NEDD9: variants seen among roughly 807,000 people sequenced by gnomAD.
NEDD9 encodes enhancer of filamentation 1.
NEDD9 carries 26 observed loss-of-function variants against 76.6 expected under a neutral mutation model. The observed-to-expected ratio is 0.34, with a 90% confidence interval of 0.25 to 0.47. The LOEUF is 0.47. Among genes scored for constraint, NEDD9 ranks in the 20% least tolerant of loss-of-function variants. The pLI is 1.00. For missense variants in NEDD9, 937 were observed against 1,058.5 expected (o/e 0.89, Z 1.59); for synonymous variants, 392 against 414.2 (o/e 0.95, Z 0.65).
chr6:11,367,870 C>T (rs1242648868), intron 1 of NEDD9, among the ~76,000 whole-genome samples: 2 of 152,200 alleles, frequency 1.3e-5, no homozygotes, highest in Non-Finnish European at 2.9e-5. Flanking sequence ...CACAGCACCC[C>T]TTGCAAATAA....
At chr6:11,271,090 G>A (rs1239457534) in intron 3 of NEDD9, among the ~76,000 whole-genome samples, 1 of 152,174 alleles carries the variant, frequency 6.6e-6, no homozygotes, top group African/African-American at 2.4e-5. Flanking sequence ...CTGGAATACA[G>A]TGGTGCTATC....
rs1757956126 is a variant in NEDD9, at chr6:11,185,568, A to G, written c.2099T>C (p.Val700Ala). ...CAGCAACTGCCGATCCTGAGCACTC[A>G]CGCCACTGTTTGTGGTGGGTAGGCT... ...SQSLPTTNSG[V>A]SAQDRQLLCF... The change falls in exon 7 of 7, where the codon GTG (valine) becomes GCG (alanine). Residue 700 changes from valine to alanine, a missense_variant. By Grantham distance (64) the Val-to-Ala change is moderately conservative. Coordinates refer to ENST00000379446, the MANE Select transcript of NEDD9 (RefSeq NM_006403.4). The G allele has an allele frequency of 6.2e-7, 1 of 1,614,200 alleles. No individual in the cohort carries two copies. The highest frequency in any genetic ancestry group is 8.5e-7 in the Non-Finnish European group (1 of 1,180,022).
rs762734867 is a variant in NEDD9, at chr6:11,185,253, G to A, written c.2414C>T (p.Thr805Met). ...TTGGTGCACCATTTCCTGCAGGGCC[G>A]TGGTGCTGGGGTAATGGAGGGCGGC... ...KMAALHYPST[T>M]ALQEMVHQVT... Residue 805 changes from threonine to methionine, a missense_variant, in exon 7 of 7, where the codon ACG becomes ATG. Transcript: ENST00000379446. 19 of 1,614,122 alleles carry A rather than the reference G, an allele frequency of 1.2e-5. No individual in the cohort carries two copies. Among genetic ancestry groups the A allele is most frequent in the Admixed American group, 1.7e-5 (1 of 60,016 alleles).
chr6:11,209,968 G>GTTTTTTTTTTTTTTT (rs1554125203), intron 2 of NEDD9, among the ~76,000 whole-genome samples: 1 of 65,406 alleles, frequency 1.5e-5, no homozygotes. Flanking sequence ...AGAATTCACT[G>GTTTTTTTTTTTTTTT]TCTTTTTTTT....
At chr6:11,307,480 G>A (rs767657098) in intron 2 of NEDD9, among the ~76,000 whole-genome samples, 3 of 152,100 alleles carry the variant, frequency 2.0e-5, no homozygotes, top group Admixed American at 6.5e-5. Flanking sequence ...ACAAAAGGGA[G>A]ATTTACTGCG....
intron 2 of NEDD9, among the ~76,000 whole-genome samples, chr6:11,205,086 C>T (rs1006550615): frequency 6.6e-6 from 1 of 152,212 alleles, no homozygotes; most frequent in African/African-American, 2.4e-5. Context: ...TATCATCCTT[C>T]AGCCGGGATG....
chr6:11,346,087 T>C (rs1375326575), intron 1 of NEDD9, among the ~76,000 whole-genome samples: 2 of 152,368 alleles, frequency 1.3e-5, no homozygotes, highest in African/African-American at 4.8e-5. Flanking sequence ...AGCGTGTTTA[T>C]TTATTTATTT....
At chr6:11,367,290 A>G (rs762495438) in intron 1 of NEDD9, among the ~76,000 whole-genome samples, 11 of 152,262 alleles carry the variant, frequency 7.2e-5, no homozygotes, top group Non-Finnish European at 1.6e-4. Context: ...GGAAGACAAA[A>G]GCTTACCGAT....
At chr6:11,225,266 A>G (rs1759276821) in intron 1 of NEDD9, among the ~76,000 whole-genome samples, 1 of 152,220 alleles carries the variant, frequency 6.6e-6, no homozygotes, top group Non-Finnish European at 1.5e-5. Context: ...TGTGAGGGAC[A>G]TTTTTAGTAA....
chr6:11,257,124 C>T (rs1760017850), intron 3 of NEDD9, among the ~76,000 whole-genome samples: 2 of 152,340 alleles, frequency 1.3e-5, no homozygotes, highest in Middle Eastern at 3.4e-3. Context: ...CATCGATCAC[C>T]TGCATCAGAT....
intron 3 of NEDD9, chr6:11,305,723 T>C: frequency 2.0e-6 from 1 of 490,580 alleles, no homozygotes; most frequent in South Asian, 2.5e-5. Context: ...TTATGTTAAG[T>C]GGAATAATCT....
chr6:11,248,833 A>G (rs907343339), intron 3 of NEDD9: 38 of 291,796 alleles, frequency 1.3e-4, no homozygotes, highest in Non-Finnish European at 2.5e-4. Flanking sequence ...CTACCTGCAC[A>G]CGGCTCTCCC....
chr6:11,196,285 C>T (rs759693992), intron 2 of NEDD9, among the ~76,000 whole-genome samples: 20 of 152,234 alleles, frequency 1.3e-4, no homozygotes, highest in Non-Finnish European at 2.1e-4. Context: ...GCCTGGGTGA[C>T]AGAGAGAGAC....
At chr6:11,258,627 A>G (rs1332268505) in intron 3 of NEDD9, 1 of 152,190 alleles carries the variant, frequency 6.6e-6, no homozygotes, top group Non-Finnish European at 1.5e-5. Flanking sequence ...CATGCAAGTC[A>G]TAACACATCA....
At chr6:11,369,496 T>A (rs996697211) in intron 1 of NEDD9, among the ~76,000 whole-genome samples, 10 of 152,220 alleles carry the variant, frequency 6.6e-5, no homozygotes, top group East Asian at 1.9e-4. Context: ...CAACCTGGCA[T>A]GCATGAGTGA....
In NEDD9 at chr6:11,201,234, A is replaced by G. The variant is rs556413272; in HGVS notation, c.460-7542T>C. On this transcript the variant is annotated intron_variant, in intron 2 of 6. Coordinates refer to ENST00000379446, the MANE Select transcript of NEDD9 (RefSeq NM_006403.4). ...GCAGAGGCCATGTGGTCAGAACTTC[A>G]ACTTCTCAGCTGCATGCTGCTAGCT... 3.3e-5 allele frequency among the ~76,000 whole-genome samples: 5 copies of G among 152,336 alleles called. No homozygotes were observed. The East Asian group carries it at 7.7e-4, about 24-fold the overall frequency.
rs1761142659 is a variant in NEDD9, at chr6:11,304,966, C to T, written c.12+1026G>A. ...AACTTAAAATATAATTAAAAAAACC[C>T]ACAGTGATATGACAATCAAACTTGT... On this transcript the variant is annotated intron_variant, in intron 3 of 3. Coordinates refer to the NEDD9 transcript ENST00000397378. 9 of 706,860 alleles carry T rather than the reference C, an allele frequency of 1.3e-5. No individual in the cohort carries two copies. In the South Asian group the frequency reaches 1.6e-4, roughly 12 times the overall value. The allele number at this position is 706,860 out of a possible 1,614,324, so 43.8% of individuals were successfully genotyped here.
At chr6:11,332,670 C>A (rs1357112200) in intron 2 of NEDD9, among the ~76,000 whole-genome samples, 1 of 152,178 alleles carries the variant, frequency 6.6e-6, no homozygotes, top group Non-Finnish European at 1.5e-5. Flanking sequence ...TCCCAACTAA[C>A]CTGTGAGATT....
chr6:11,264,842 C>T, intron 3 of NEDD9, among the ~76,000 whole-genome samples: 1 of 144,474 alleles, frequency 6.9e-6, no homozygotes, highest in East Asian at 1.9e-4. Context: ...AACTTCAGCT[C>T]TTTTAAGTTT....
Sources: allele counts gnomAD v4.1 joint callset (sites outside exome capture counted in the v4.1 genomes callset), GRCh38; gene constraint gnomAD v4.1.1; transcripts MANE v1.5; gene names NCBI Gene and HGNC (gene_info 2026-07-23, HGNC 2026-07-21).